Variants in NID1 observed in about 807,000 individuals in gnomAD.
The protein encoded by NID1 is nidogen 1.
A neutral mutation model predicts 130.6 loss-of-function variants in NID1; 76 were observed. That is an observed-to-expected ratio of 0.58 (90% CI 0.48 to 0.70). NID1 has a LOEUF of 0.70. Ranked by LOEUF, NID1 falls within the 30% of genes least tolerant of loss-of-function variation. The pLI, the probability that NID1 is intolerant of heterozygous loss-of-function variation, is 0.00. For missense variants in NID1, 1,517 were observed against 1,664.8 expected (o/e 0.91, Z 1.54); for synonymous variants, 665 against 675.1 (o/e 0.98, Z 0.23).
At chr1:236,009,988 A>G (rs947342002) in intron 12 of NID1, among the ~76,000 whole-genome samples, 4 of 152,230 alleles carry the variant, frequency 2.6e-5, no homozygotes, top group African/African-American at 9.6e-5. Flanking sequence ...TAGTCAACAG[A>G]GTTTTCAAGA....
Position 235,977,662 on chromosome 1 carries a change from T to C in NID1, c.*205A>G, listed in dbSNP as rs1472214603. On this transcript the variant is annotated 3_prime_UTR_variant, in exon 20 of 20. Transcript: ENST00000264187. ...GGGTAGGGGTGGAGGGTTCTGTCCTTGTGTAGGGGTGGAGACTTTTCTATT... is the reference window on the plus strand; with the variant it reads ...GGGTAGGGGTGGAGGGTTCTGTCCTCGTGTAGGGGTGGAGACTTTTCTATT... The C allele has an allele frequency of 2.5e-5, 14 of 554,640 alleles. No individual in the cohort carries two copies. Among genetic ancestry groups the C allele is most frequent in the Non-Finnish European group, 4.2e-5 (13 of 310,496 alleles). The allele number at this position is 554,640 out of a possible 1,614,324, so 34.4% of individuals were successfully genotyped here. A position where few individuals can be genotyped will look rare whatever the true frequency, so the allele number is the denominator to read the frequency against.
intron 12 of NID1, among the ~76,000 whole-genome samples, chr1:235,994,737 C>T (rs1283416472): frequency 1.4e-5 from 2 of 147,592 alleles, no homozygotes; most frequent in East Asian, 2.0e-4. Context: ...CGCTCTGTTG[C>T]CCAGGCTGGA....
intron 1 of NID1, among the ~76,000 whole-genome samples, chr1:236,061,470 GT>G (rs959967257): frequency 2.0e-5 from 3 of 150,978 alleles, no homozygotes; most frequent in African/African-American, 4.9e-5. Context: ...TCTTTTTTTT[GT>G]TTTTTTTGAG....
chr1:236,021,467 G>T (rs778864181), intron 9 of NID1, among the ~76,000 whole-genome samples: 2 of 152,166 alleles, frequency 1.3e-5, no homozygotes, highest in Non-Finnish European at 2.9e-5. Context: ...TGCATGAAAG[G>T]TTCACTATGA....
chr1:236,062,201 C>T (rs1457165211), intron 1 of NID1, among the ~76,000 whole-genome samples: 2 of 152,216 alleles, frequency 1.3e-5, no homozygotes, highest in Non-Finnish European at 2.9e-5. Flanking sequence ...ACAAAGTCCT[C>T]ACTTGCATTT....
intron 7 of NID1, among the ~76,000 whole-genome samples, chr1:236,027,453 C>T (rs1022417694): frequency 1.3e-5 from 2 of 152,186 alleles, no homozygotes; most frequent in African/African-American, 4.8e-5. Flanking sequence ...TTCACTGTCT[C>T]CCAGCTCCCC....
chr1:235,985,647 G>T, intron 14 of NID1, 142 bp from the exon 15 acceptor site: 1 of 925,386 alleles, frequency 1.1e-6, no homozygotes, highest in Non-Finnish European at 1.6e-6. Flanking sequence ...TTATTATTGA[G>T]TTGTAGGAGT....
In NID1 at chr1:235,991,008, C is replaced by T. The variant is rs147031904; in HGVS notation, c.2806G>A (p.Ala936Thr). ...PIHQGPAVPT[A>T]VIPLPPGTHL... ...GTCCCAGGAGGCAAGGGGATCACGG[C>T]GGTAGGCACCGCAGGTCCTTGGTGA... Residue 936 changes from alanine (A) to threonine (T), a missense_variant, in exon 14 of 20, where the codon GCC becomes ACC. Around this residue, in one of 3 missense-constraint regions of NID1, gnomAD observed 1,329 missense variants for 1,429.2 expected, o/e 0.93. Coordinates refer to ENST00000264187, the MANE Select transcript of NID1 (RefSeq NM_002508.3). 1.1e-5 allele frequency: 17 copies of T among 1,612,260 alleles called. No individual in the cohort carries two copies. The highest frequency in any genetic ancestry group is 3.3e-5 in the Admixed American group (2 of 59,770).
chr1:236,014,534 G>A (rs928240996), intron 10 of NID1, among the ~76,000 whole-genome samples: 2 of 152,088 alleles, frequency 1.3e-5, no homozygotes, highest in Admixed American at 1.3e-4. Context: ...GCACAAGATG[G>A]GGCATTATCA....
intron 12 of NID1, among the ~76,000 whole-genome samples, chr1:236,010,020 A>G (rs1658363477): frequency 6.6e-6 from 1 of 152,340 alleles, no homozygotes; most frequent in South Asian, 2.1e-4. Context: ...GTCAGGTTAA[A>G]AAAACAAAAA....
At chr1:235,993,992 G>T in intron 12 of NID1, 120 bp from the exon 13 acceptor site, 2 of 789,844 alleles carry the variant, frequency 2.5e-6, no homozygotes, top group Non-Finnish European at 2.0e-6. Context: ...GTGTGTCACT[G>T]GGTTTTGTTT....
chr1:236,001,327 G>A lies in NID1; in HGVS notation c.2528-7455C>T, dbSNP rs371511248. ...TCATGATGTTGGCCAGGCTGGTCTC[G>A]AACTCCTGACCTCGTGATTCACCCG... On this transcript the variant is annotated intron_variant, in intron 12 of 19. Coordinates refer to ENST00000264187, the MANE Select transcript of NID1 (RefSeq NM_002508.3). Among the ~76,000 whole-genome samples, 38 of 151,970 alleles carry A rather than the reference G, an allele frequency of 2.5e-4. 1 individual carries two copies. The South Asian group carries it at 6.9e-3, about 27-fold the overall frequency.
At position 235,976,405 on chromosome 1, in the gene NID1, T is replaced by A. The variant is rs1657251104; in HGVS notation, c.*1462A>T. On this transcript the variant is annotated 3_prime_UTR_variant, in exon 20 of 20. Coordinates refer to ENST00000264187, the MANE Select transcript of NID1 (RefSeq NM_002508.3). ...TTTTCTTTTTGGAGTTACTTAAGAG[T>A]TTTACTTATTGCTGTTCTTAAATTC... 1 of 152,088 alleles carries A rather than the reference T, an allele frequency of 6.6e-6. No homozygotes were observed. The highest frequency in any genetic ancestry group is 2.1e-4 in the South Asian group (1 of 4,828). 9.4% of individuals were successfully genotyped at this position (152,088 alleles called of 1,614,324 possible).
chr1:236,060,525 C>T (rs942079375), intron 1 of NID1, among the ~76,000 whole-genome samples: 4 of 152,098 alleles, frequency 2.6e-5, no homozygotes, highest in Non-Finnish European at 5.9e-5. Context: ...TGGAATTGCT[C>T]AGTTCACATG....
chr1:235,976,745 A>G lies in NID1; in HGVS notation c.*1122T>C, dbSNP rs1474711703. ...TAAAGGATATGAACCATTAGTATAAATATTCAATTCAGTCTTTCCGGATTG... is the reference window on the plus strand; with the variant it reads ...TAAAGGATATGAACCATTAGTATAAGTATTCAATTCAGTCTTTCCGGATTG... On this transcript the variant is annotated 3_prime_UTR_variant, in exon 20 of 20. Coordinates refer to ENST00000264187, the MANE Select transcript of NID1 (RefSeq NM_002508.3). 6.6e-6 allele frequency: 1 copy of G among 152,220 alleles called. No homozygotes were observed. The highest frequency in any genetic ancestry group is 1.5e-5 in the Non-Finnish European group (1 of 68,046). 9.4% of individuals were successfully genotyped at this position (152,220 alleles called of 1,614,324 possible). A position where few individuals can be genotyped will look rare whatever the true frequency, so the allele number is the denominator to read the frequency against.
chr1:236,022,532 G>C (rs1221139398), intron 9 of NID1, among the ~76,000 whole-genome samples: 2 of 150,924 alleles, frequency 1.3e-5, no homozygotes, highest in East Asian at 2.0e-4. Flanking sequence ...TAGAGACGGG[G>C]TTTCACCATG....
chr1:235,999,390 A>G (rs184263055), intron 12 of NID1, among the ~76,000 whole-genome samples: 9 of 152,306 alleles, frequency 5.9e-5, no homozygotes, highest in Non-Finnish European at 1.3e-4. Flanking sequence ...TACTCAGGAA[A>G]TAGAATCTCA....
At chr1:236,030,218 G>A (rs1200019198) in intron 6 of NID1, among the ~76,000 whole-genome samples, 2 of 152,156 alleles carry the variant, frequency 1.3e-5, no homozygotes, top group African/African-American at 2.4e-5. Context: ...TGAGTTGCTC[G>A]TGGCAAACCA....
intron 9 of NID1, 24 bp downstream of exon 9, chr1:236,024,046 A>G: frequency 6.2e-7 from 1 of 1,612,036 alleles, no homozygotes; most frequent in Non-Finnish European, 8.5e-7. Flanking sequence ...CCCAGCCCCA[A>G]CAAGTCAGAA....
Sources: allele counts gnomAD v4.1 joint callset (sites outside exome capture counted in the v4.1 genomes callset), GRCh38; gene constraint gnomAD v4.1.1; regional missense constraint gnomAD v4.1.1; transcripts MANE v1.5; gene names NCBI Gene and HGNC (gene_info 2026-07-23, HGNC 2026-07-21).